Variants in RANBP9 observed in about 807,000 individuals in gnomAD.
RANBP9 encodes ran-binding protein 9.
RANBP9 carries 15 observed loss-of-function variants against 84.3 expected under a neutral mutation model. The observed-to-expected ratio is 0.18, with a 90% CI of 0.12 to 0.27. The LOEUF is 0.27. Among genes scored for constraint, RANBP9 ranks in the 10% least tolerant of loss-of-function variants. RANBP9 has a pLI of 1.00. For synonymous variants in RANBP9, 392 were observed against 349.6 expected (o/e 1.12, Z -1.35); for missense variants, 809 against 912.8 (o/e 0.89, Z 1.46).
At chr6:13,703,744 G>C (rs1187294176) in intron 1 of RANBP9, among the ~76,000 whole-genome samples, 3 of 152,192 alleles carry the variant, frequency 2.0e-5, no homozygotes, top group Non-Finnish European at 4.4e-5. Context: ...TTGGAGCTGA[G>C]TCATTTTAAT....
chr6:13,690,273 A>G (rs931657942), intron 2 of RANBP9, among the ~76,000 whole-genome samples: 2 of 152,196 alleles, frequency 1.3e-5, no homozygotes, highest in Non-Finnish European at 2.9e-5. Flanking sequence ...ACGATGTGCT[A>G]TATCATAGGT....
At chr6:13,690,088 T>C (rs953598149) in intron 2 of RANBP9, among the ~76,000 whole-genome samples, 1 of 152,184 alleles carries the variant, frequency 6.6e-6, no homozygotes, top group Admixed American at 6.5e-5. Flanking sequence ...TCTTAGAACA[T>C]GTTCCGTAGT....
intron 1 of RANBP9, among the ~76,000 whole-genome samples, chr6:13,706,969 G>C (rs981156320): frequency 3.2e-4 from 47 of 144,688 alleles, no homozygotes; most frequent in African/African-American, 1.2e-3. Context: ...TTGTACCACC[G>C]CACTCCAGCC....
At chr6:13,646,338 TG>T (rs1765174094) in intron 5 of RANBP9, among the ~76,000 whole-genome samples, 2 of 151,950 alleles carry the variant, frequency 1.3e-5, no homozygotes. Flanking sequence ...GAACCGGGGA[TG>T]GGGAGGTTCT....
At chr6:13,706,582 A>T (rs770211247) in intron 1 of RANBP9, among the ~76,000 whole-genome samples, 2 of 151,138 alleles carry the variant, frequency 1.3e-5, no homozygotes, top group African/African-American at 2.4e-5. Flanking sequence ...ATTCTCAGCT[A>T]TTCAGGAGGC....
At chr6:13,634,282 A>G in intron 11 of RANBP9, 149 bp downstream of exon 11, 1 of 891,188 alleles carries the variant, frequency 1.1e-6, no homozygotes, top group Non-Finnish European at 1.6e-6. Flanking sequence ...CTCAAACAAG[A>G]GTTTAAGTGC....
intron 2 of RANBP9, among the ~76,000 whole-genome samples, chr6:13,695,401 G>A (rs201707954): frequency 3.5e-5 from 3 of 84,810 alleles, no homozygotes; most frequent in African/African-American, 1.4e-4. Flanking sequence ...CCAACCAAAT[G>A]TTTTTTTTTT....
chr6:13,680,871 T>C (rs1310390817), intron 2 of RANBP9, among the ~76,000 whole-genome samples: 1 of 152,092 alleles, frequency 6.6e-6, no homozygotes, highest in Non-Finnish European at 1.5e-5. Context: ...CAAAAGGACT[T>C]AAAAGAATAT....
At chr6:13,689,209 T>C (rs930745358) in intron 2 of RANBP9, among the ~76,000 whole-genome samples, 5 of 151,040 alleles carry the variant, frequency 3.3e-5, no homozygotes, top group African/African-American at 9.7e-5. Flanking sequence ...ACCTATAGAG[T>C]ATATTTCACC....
At chr6:13,633,619 GCTCT>G (rs1764851372) in intron 11 of RANBP9, among the ~76,000 whole-genome samples, 1 of 152,118 alleles carries the variant, frequency 6.6e-6, no homozygotes, top group Non-Finnish European at 1.5e-5. Context: ...ATGTAATCTG[GCTCT>G]AGAACTCCTG....
rs768230004 is a variant in RANBP9 at position 13,644,555 on chromosome 6, T to C, written c.1102A>G (p.Met368Val). The part of the protein sequence containing the change: ...IGDREGEWQT[M>V]IQKMVSSYLV... ...TTTCTTCACTCTTACTTTTGTATCA[T>C]GGTCTGCCATTCTCCTTCTCGATCT... Residue 368 changes from methionine (M) to valine (V), a missense_variant, in exon 6 of 14, where the codon ATG (methionine) becomes GTG (valine). This residue lies in a region of RANBP9 where 216 missense variants were observed against 329.0 expected (regional missense o/e 0.66). Transcript: ENST00000011619. 4.3e-6 allele frequency: 7 copies of C among 1,611,100 alleles called. No homozygotes were observed. The highest frequency in any genetic ancestry group is 5.1e-6 in the Non-Finnish European group (6 of 1,178,962).
intron 1 of RANBP9, among the ~76,000 whole-genome samples, chr6:13,703,924 T>C (rs1370488682): frequency 6.6e-6 from 1 of 152,218 alleles, no homozygotes; most frequent in Non-Finnish European, 1.5e-5. Context: ...TATACTGTAA[T>C]ACAGTCTCCT....
At chr6:13,661,354 G>GT (rs1765535254) in intron 2 of RANBP9, among the ~76,000 whole-genome samples, 1 of 152,074 alleles carries the variant, frequency 6.6e-6, no homozygotes, top group Non-Finnish European at 1.5e-5. Flanking sequence ...AGTAAAAACT[G>GT]TAAGAAAGAA....
chr6:13,690,042 C>T (rs944364915), intron 2 of RANBP9, among the ~76,000 whole-genome samples: 14 of 152,026 alleles, frequency 9.2e-5, no homozygotes, highest in African/African-American at 3.1e-4. Context: ...GTACCCTTTA[C>T]GATGTTCATA....
At position 13,709,911 on chromosome 6, in the gene RANBP9, C is replaced by G. The variant is rs1248557088; in HGVS notation, c.571+1024G>C. 2.6e-5 allele frequency among the ~76,000 whole-genome samples: 4 copies of G among 152,138 alleles called. No homozygotes were observed. The South Asian group carries it at 6.2e-4, about 24-fold the overall frequency. The stretch of plus-strand genomic sequence containing the variant: ...TTACAGCCAATCAAAGTGAGGCTGC[C>G]GTGAATGTAAAAGCTTCTGCTTTAG... On this transcript the variant is annotated intron_variant, in intron 1 of 13. Transcript: ENST00000011619.
intron 5 of RANBP9, among the ~76,000 whole-genome samples, chr6:13,646,335 G>GGATGGGGA (rs1306614101): frequency 6.6e-6 from 1 of 152,188 alleles, no homozygotes; most frequent in Non-Finnish European, 1.5e-5. Context: ...CTTGAACCGG[G>GGATGGGGA]GATGGGGAGG....
intron 1 of RANBP9, among the ~76,000 whole-genome samples, chr6:13,701,500 C>T (rs1337212688): frequency 1.3e-5 from 2 of 152,128 alleles, no homozygotes; most frequent in Non-Finnish European, 1.5e-5. Flanking sequence ...CAGCTGGGTG[C>T]GGTGGCTCAC....
intron 2 of RANBP9, among the ~76,000 whole-genome samples, chr6:13,693,528 C>T (rs1766374405): frequency 6.6e-6 from 1 of 152,096 alleles, no homozygotes; most frequent in African/African-American, 2.4e-5. Context: ...GGACAGATCA[C>T]CTGAGCTCAG....
intron 2 of RANBP9, among the ~76,000 whole-genome samples, chr6:13,690,971 G>A (rs1341182127): frequency 4.0e-5 from 6 of 151,800 alleles, no homozygotes; most frequent in African/African-American, 7.3e-5. Context: ...GTTCAAGACC[G>A]GCCTGGCCAA....
Sources: allele counts gnomAD v4.1 joint callset (sites outside exome capture counted in the v4.1 genomes callset), GRCh38; gene constraint gnomAD v4.1.1; regional missense constraint gnomAD v4.1.1; transcripts MANE v1.5; gene names NCBI Gene and HGNC (gene_info 2026-07-23, HGNC 2026-07-21).